Variants in PARP8 observed in about 807,000 individuals in gnomAD.
PARP8 encodes poly(ADP-ribose) polymerase family member 8.
Under a neutral mutation model 124.1 loss-of-function variants are expected in PARP8, and 51 were observed. That is an observed-to-expected ratio of 0.41 (90% CI 0.33 to 0.52). PARP8 has a LOEUF of 0.52. PARP8 is among the 20% of genes least tolerant of loss of function. The pLI is 0.21. For synonymous variants in PARP8, 391 were observed against 361.5 expected (o/e 1.08, Z -0.93); for missense variants, 860 against 1,018.9 (o/e 0.84, Z 2.12).
At chr5:50,818,987 A>G (rs1256529311) in intron 15 of PARP8, among the ~76,000 whole-genome samples, 2 of 152,128 alleles carry the variant, frequency 1.3e-5, no homozygotes, top group Non-Finnish European at 2.9e-5. Flanking sequence ...AGGAAGACAT[A>G]CCTTTCTTTG....
chr5:50,697,796 A>G (rs1753189589), intron 2 of PARP8, among the ~76,000 whole-genome samples: 1 of 152,198 alleles, frequency 6.6e-6, no homozygotes, highest in Non-Finnish European at 1.5e-5. Flanking sequence ...TAGACGGAGG[A>G]TATTCAAAGC....
At chr5:50,832,464 C>T (rs2149719144) in intron 22 of PARP8, among the ~76,000 whole-genome samples, 1 of 152,226 alleles carries the variant, frequency 6.6e-6, no homozygotes, top group Admixed American at 6.5e-5. Context: ...TTCTCCTTCT[C>T]CTAGCCAGAT....
At position 50,760,336 on chromosome 5, in the gene PARP8, T is replaced by A. The variant is rs776238227; in HGVS notation, c.319T>A (p.Ser107Thr). ...CATTAACTGTTGCTTATCCATAAAATCCAAATTACAAAAGGAAAATGGGGA... is the reference window on the plus strand; with the variant it reads ...CATTAACTGTTGCTTATCCATAAAAACCAAATTACAAAAGGAAAATGGGGA... The part of the protein sequence containing the change: ...NDINCCLSIK[S>T]KLQKENGEES... Residue 107 changes from serine (S) to threonine (T), a missense_variant, in exon 5 of 26, where the codon TCC becomes ACC. Physicochemically the swap from Ser to Thr is moderately conservative, Grantham distance 58. This residue lies in a region of PARP8 where 517 missense variants were observed against 544.2 expected (regional missense o/e 0.95). Transcript: ENST00000281631. The A allele has an allele frequency of 6.5e-7, 1 of 1,534,926 alleles. No individual in the cohort carries two copies. Among genetic ancestry groups the A allele is most frequent in the Non-Finnish European group, 8.9e-7 (1 of 1,124,052 alleles).
At position 50,778,006 on chromosome 5, in the gene PARP8, T is replaced by C. The variant is rs1179240843; in HGVS notation, c.519-63T>C. 13 of 1,247,030 alleles carry C rather than the reference T, an allele frequency of 1.0e-5. No individual in the cohort carries two copies. In the Admixed American group the frequency reaches 2.5e-4, roughly 24 times the overall value. The allele number at this position is 1,247,030 out of a possible 1,614,324, so 77.2% of individuals were successfully genotyped here. A position where few individuals can be genotyped will look rare whatever the true frequency, so the allele number is the denominator to read the frequency against. ...ATTTAAAATTTTAAATAAAATAACC[T>C]AACACACACCATCTTTTAAGCATCA... On this transcript the variant is annotated intron_variant, in intron 7 of 25. Coordinates refer to ENST00000281631, the MANE Select transcript of PARP8 (RefSeq NM_024615.4).
chr5:50,819,462 C>T lies in PARP8; in HGVS notation c.1669-1751C>T, dbSNP rs867350302. On this transcript the variant is annotated intron_variant, in intron 15 of 25. Transcript: ENST00000281631. ...TTTTTTTTTTTTTTTTTTTTTGAGA[C>T]GGAGTTTTGCTCTTGTCACCCAGGC... Among the ~76,000 whole-genome samples, 290 of 55,418 alleles carry T rather than the reference C, an allele frequency of 5.2e-3. 1 individual carries two copies. Among genetic ancestry groups the T allele is most frequent in the Middle Eastern group, 0.032 (2 of 62 alleles). The allele number at this position is 55,418 out of a possible 152,430, so 36.4% of individuals were successfully genotyped here.
At chr5:50,754,542 C>T (rs1452862347) in intron 3 of PARP8, among the ~76,000 whole-genome samples, 1 of 152,096 alleles carries the variant, frequency 6.6e-6, no homozygotes, top group African/African-American at 2.4e-5. Flanking sequence ...CATGGTATTC[C>T]ATGGTGTATA....
intron 22 of PARP8, among the ~76,000 whole-genome samples, chr5:50,830,194 C>T (rs1746792116): frequency 6.6e-6 from 1 of 151,980 alleles, no homozygotes; most frequent in Non-Finnish European, 1.5e-5. Flanking sequence ...TTTAATATTC[C>T]TTACATTTAT....
intron 1 of PARP8, chr5:50,667,575 T>C (rs1411304352): frequency 2.0e-5 from 14 of 698,582 alleles, no homozygotes; most frequent in Non-Finnish European, 3.6e-5. Flanking sequence ...CGGCCGGGAA[T>C]GGAGCCTGCT....
chr5:50,719,714 A>G (rs970133664), intron 2 of PARP8, among the ~76,000 whole-genome samples: 1 of 152,030 alleles, frequency 6.6e-6, no homozygotes, highest in African/African-American at 2.4e-5. Context: ...TGTAGATTTT[A>G]AGAGGAATCA....
At chr5:50,771,004 C>T (rs1761569249) in intron 7 of PARP8, among the ~76,000 whole-genome samples, 1 of 151,614 alleles carries the variant, frequency 6.6e-6, no homozygotes, top group South Asian at 2.1e-4. Flanking sequence ...AAAATTAATT[C>T]CTATGTAAAT....
At chr5:50,697,957 A>G (rs1311719240) in intron 2 of PARP8, among the ~76,000 whole-genome samples, 5 of 152,172 alleles carry the variant, frequency 3.3e-5, no homozygotes, top group Admixed American at 2.6e-4. Context: ...TCTCCTTTGT[A>G]TTCTTCAGGT....
rs796820379 is a variant in PARP8, at chr5:50,678,852, A to G, written c.146+10727A>G. 1.4e-4 allele frequency among the ~76,000 whole-genome samples: 21 copies of G among 152,288 alleles called. 1 individual carries two copies. Among genetic ancestry groups the G allele is most frequent in the African/African-American group, 5.1e-4 (21 of 41,578 alleles). On this transcript the variant is annotated intron_variant, in intron 2 of 25. Coordinates refer to ENST00000281631, the MANE Select transcript of PARP8 (RefSeq NM_024615.4). ...GACAGTGTTCAGCACAGGGCCTGAC[A>G]GAAGTCAGTGTTTGTTATTACTATT...
chr5:50,836,029 T>C (rs1747545680), intron 25 of PARP8, among the ~76,000 whole-genome samples: 1 of 152,204 alleles, frequency 6.6e-6, no homozygotes, highest in Admixed American at 6.5e-5. Context: ...GTTGCTTCGG[T>C]ATACTGTATA....
chr5:50,700,162 C>A (rs186515012), intron 2 of PARP8, among the ~76,000 whole-genome samples: 156 of 152,168 alleles, frequency 1.0e-3, no homozygotes, highest in Non-Finnish European at 2.1e-3. Flanking sequence ...TATACCAAGG[C>A]CCAGAAGTGC....
rs1300341056 is a variant in PARP8, at chr5:50,752,174, G to A, written c.184+1986G>A. The stretch of plus-strand genomic sequence containing the variant: ...ATCAAACTATTGTTTGGCATCTGTT[G>A]AGGTGTCATATCTACTTTTTCCTTT... On this transcript the variant is annotated intron_variant, in intron 3 of 25. Transcript: ENST00000281631. Among the ~76,000 whole-genome samples, 4 of 151,876 alleles carry A rather than the reference G, an allele frequency of 2.6e-5. No homozygotes were observed. The East Asian group carries it at 7.7e-4, about 29-fold the overall frequency.
At chr5:50,703,831 A>G (rs1208357000) in intron 2 of PARP8, among the ~76,000 whole-genome samples, 1 of 151,598 alleles carries the variant, frequency 6.6e-6, no homozygotes, top group Admixed American at 6.6e-5. Flanking sequence ...GGATTGTTTG[A>G]TCCCAGGAGG....
chr5:50,830,054 T>C, intron 22 of PARP8, 93 bp downstream of exon 22: 1 of 1,295,178 alleles, frequency 7.7e-7, no homozygotes. Context: ...TTGTGCCTTA[T>C]TAGATATATT....
rs182012125 is a variant in PARP8, at chr5:50,679,370, G to T, written c.146+11245G>T. Among the ~76,000 whole-genome samples, 70 of 152,216 alleles carry T rather than the reference G, an allele frequency of 4.6e-4. 1 individual carries two copies. In the East Asian group the frequency reaches 0.013, roughly 28 times the overall value. On this transcript the variant is annotated intron_variant, in intron 2 of 25. Transcript: ENST00000281631. ...GATCTTCACCTGTGTCTTTAAAACAGATTATTTTCTTTAGATTTGAAAGGT... is the reference window on the plus strand; with the variant it reads ...GATCTTCACCTGTGTCTTTAAAACATATTATTTTCTTTAGATTTGAAAGGT...
chr5:50,700,700 G>A (rs1753502310), intron 2 of PARP8, among the ~76,000 whole-genome samples: 1 of 152,084 alleles, frequency 6.6e-6, no homozygotes, highest in African/African-American at 2.4e-5. Flanking sequence ...CTTGACTATT[G>A]CTTATATTTA....
Sources: gnomAD v4.1 joint callset for allele counts (sites outside exome capture counted in the v4.1 genomes callset) on GRCh38, gnomAD v4.1.1 for gene constraint, gnomAD v4.1.1 regional missense constraint, MANE v1.5 for transcripts, NCBI Gene and HGNC (gene_info 2026-07-23, HGNC 2026-07-21) for gene names.